ZNF385D: variants seen among roughly 807,000 people sequenced by gnomAD.
ZNF385D encodes the protein zinc finger protein 385D, also known as zinc finger protein 659.
In ZNF385D, 15 loss-of-function variants were observed where a neutral mutation model predicts 35.8. That is an observed-to-expected ratio of 0.42 (90% CI 0.28 to 0.64). The LOEUF is 0.64. ZNF385D is among the 30% of genes least tolerant of loss of function. The probability of loss-of-function intolerance (pLI) is 0.23; values close to 1 mark genes in which losing one functional copy is unlikely to be tolerated. For missense variants in ZNF385D, 474 were observed against 494.6 expected, an observed-to-expected ratio of 0.96 and a Z score of 0.39; for synonymous variants, 212 against 186.8, an observed-to-expected ratio of 1.13 and a Z score of -1.10.
chr3:22,221,614 T>C (rs1396852386), intron 2 of ZNF385D, among the ~76,000 whole-genome samples: 1 of 152,126 alleles, frequency 6.6e-6, no homozygotes, highest in East Asian at 1.9e-4. Context: ...TTATGAAAAA[T>C]ACATTTCTTT....
At chr3:21,695,603 G>A (rs73042147) in intron 1 of ZNF385D, among the ~76,000 whole-genome samples, 7,979 of 152,080 alleles carry the variant, frequency 0.052, 301 homozygotes, top group East Asian at 0.13. Flanking sequence ...TATAAAACTC[G>A]TCAAATGATC....
At chr3:22,284,812 G>T (rs1701943026) in intron 2 of ZNF385D, among the ~76,000 whole-genome samples, 1 of 152,104 alleles carries the variant, frequency 6.6e-6, no homozygotes, top group Non-Finnish European at 1.5e-5. Flanking sequence ...TAGGAGAAAT[G>T]TATAAATTTG....
At chr3:22,193,566 G>A (rs1265451361) in intron 2 of ZNF385D, among the ~76,000 whole-genome samples, 1 of 151,872 alleles carries the variant, frequency 6.6e-6, no homozygotes, top group Non-Finnish European at 1.5e-5. Flanking sequence ...GGTTTGTATT[G>A]TAACTTCAAA....
At chr3:21,683,999 A>G (rs765791448) in intron 1 of ZNF385D, among the ~76,000 whole-genome samples, 2 of 150,092 alleles carry the variant, frequency 1.3e-5, no homozygotes, top group Non-Finnish European at 3.0e-5. Context: ...CTACAAAACT[A>G]TAAGCTAATA....
intron 2 of ZNF385D, among the ~76,000 whole-genome samples, chr3:21,658,129 A>G (rs1385960171): frequency 4.6e-5 from 7 of 152,062 alleles, no homozygotes; most frequent in African/African-American, 1.7e-4. Flanking sequence ...TATGTTAAGC[A>G]TACTTAATGC....
rs115646051 is a variant in ZNF385D at position 21,487,778 on chromosome 3, A to G, written c.439+23083T>C. 9.1e-3 allele frequency among the ~76,000 whole-genome samples: 1,388 copies of G among 152,212 alleles called. 10 individuals are homozygous for G. Among genetic ancestry groups the G allele is most frequent in the Non-Finnish European group, 0.015 (1,012 of 68,000 alleles). On this transcript the variant is annotated intron_variant, in intron 4 of 7. Coordinates refer to ENST00000281523, the MANE Select transcript of ZNF385D (RefSeq NM_024697.3). ...TCTATCAGATGTGTAACTTTGGGCAAGTACCTAACTTCTGTGTTCCTTTGT... is the reference window on the plus strand; with the variant it reads ...TCTATCAGATGTGTAACTTTGGGCAGGTACCTAACTTCTGTGTTCCTTTGT...
intron 3 of ZNF385D, among the ~76,000 whole-genome samples, chr3:22,126,674 T>A (rs75190072): frequency 6.6e-6 from 1 of 152,138 alleles, no homozygotes; most frequent in Admixed American, 6.6e-5. Flanking sequence ...GGATGAAATG[T>A]TCTGTAGATA....
rs1368124284 is a variant in ZNF385D, at chr3:21,418,516, T to C, written c.*2698A>G. 2 of 152,120 alleles carry C rather than the reference T, an allele frequency of 1.3e-5. No individual in the cohort carries two copies. Among genetic ancestry groups the C allele is most frequent in the African/African-American group, 4.8e-5 (2 of 41,422 alleles). The allele number at this position is 152,120 out of a possible 1,614,324, so 9.4% of individuals were successfully genotyped here. ...TAAAAGACCATTTAAACAAAAATGG[T>C]TCCATAGCGAAGTGAGGCAGAAGGG... On this transcript the variant is annotated 3_prime_UTR_variant, in exon 8 of 8. Transcript: ENST00000281523.
intron 3 of ZNF385D, among the ~76,000 whole-genome samples, chr3:21,540,229 C>A (rs1390899586): frequency 6.6e-6 from 1 of 152,058 alleles, no homozygotes; most frequent in Non-Finnish European, 1.5e-5. Context: ...AACAATATAG[C>A]ACAAACAATC....
At chr3:22,207,370 A>G (rs962367844) in intron 2 of ZNF385D, among the ~76,000 whole-genome samples, 2 of 151,952 alleles carry the variant, frequency 1.3e-5, no homozygotes, top group Non-Finnish European at 1.5e-5. Flanking sequence ...AAATGGTGCT[A>G]TGAAAAACTG....
At chr3:21,876,972 G>C (rs184387564) in intron 3 of ZNF385D, among the ~76,000 whole-genome samples, 208 of 152,132 alleles carry the variant, frequency 1.4e-3, no homozygotes, top group African/African-American at 4.9e-3. Context: ...TCCAAGGAAG[G>C]ATTAAGAGCA....
At chr3:22,063,479 A>G (rs2125546371) in intron 3 of ZNF385D, among the ~76,000 whole-genome samples, 1 of 152,340 alleles carries the variant, frequency 6.6e-6, no homozygotes, top group African/African-American at 2.4e-5. Flanking sequence ...AGATTTTTAC[A>G]TAAAACTTCC....
chr3:21,801,700 A>G (rs562176584), intron 3 of ZNF385D, among the ~76,000 whole-genome samples: 73 of 152,268 alleles, frequency 4.8e-4, no homozygotes, highest in Middle Eastern at 3.4e-3. Flanking sequence ...TTAGGGAACT[A>G]CTGCAGCCCC....
chr3:22,361,809 G>T (rs1442949830), intron 2 of ZNF385D, among the ~76,000 whole-genome samples: 1 of 151,790 alleles, frequency 6.6e-6, no homozygotes, highest in Non-Finnish European at 1.5e-5. Flanking sequence ...ACCTTTCTTA[G>T]TTTTGCTTCC....
chr3:22,027,683 C>G (rs1697647052), intron 3 of ZNF385D, among the ~76,000 whole-genome samples: 1 of 152,136 alleles, frequency 6.6e-6, no homozygotes, highest in African/African-American at 2.4e-5. Flanking sequence ...TCACGCACAG[C>G]TGCATTCCAT....
chr3:21,702,405 C>A (rs2067723591), intron 1 of ZNF385D, among the ~76,000 whole-genome samples: 1 of 152,182 alleles, frequency 6.6e-6, no homozygotes, highest in Non-Finnish European at 1.5e-5. Flanking sequence ...GCACGGGAAC[C>A]CTGGGCCCGG....
chr3:21,553,298 A>G (rs181046349), intron 3 of ZNF385D, among the ~76,000 whole-genome samples: 2 of 152,354 alleles, frequency 1.3e-5, no homozygotes, highest in African/African-American at 4.8e-5. Context: ...TAAAGCAAGT[A>G]TCACAGTAAT....
intron 3 of ZNF385D, chr3:21,777,487 T>A (rs1222375765): frequency 6.6e-6 from 1 of 151,924 alleles, no homozygotes; most frequent in Non-Finnish European, 1.5e-5. Flanking sequence ...TGCAGCCTAT[T>A]CTCTGACGGT....
chr3:21,748,238 A>T (rs1307371783), intron 1 of ZNF385D, among the ~76,000 whole-genome samples: 1 of 152,188 alleles, frequency 6.6e-6, no homozygotes, highest in Non-Finnish European at 1.5e-5. Context: ...AGCACACTAC[A>T]AACATGAGCT....
Sources: gnomAD v4.1 joint callset for allele counts (sites outside exome capture counted in the v4.1 genomes callset) on GRCh38, gnomAD v4.1.1 for gene constraint, MANE v1.5 for transcripts, NCBI Gene and HGNC (gene_info 2026-07-23, HGNC 2026-07-21) for gene names.